The following GALNT13 variants were observed in gnomAD, a reference collection of about 807,000 sequenced individuals.
GALNT13 encodes the protein polypeptide N-acetylgalactosaminyltransferase 13, also known as UDP-GalNAc:polypeptide N-acetylgalactosaminyltransferase 13.
A neutral mutation model predicts 64.2 loss-of-function variants in GALNT13; 28 were observed. The observed-to-expected ratio is 0.44, with a 90% CI of 0.32 to 0.60. GALNT13 has a LOEUF of 0.60. Among genes scored for constraint, GALNT13 ranks in the 20% least tolerant of loss-of-function variants. The pLI is 0.05. For synonymous variants in GALNT13, 214 were observed against 224.6 expected, an observed-to-expected ratio of 0.95 and a Z score of 0.42; for missense variants, 577 against 669.8, an observed-to-expected ratio of 0.86 and a Z score of 1.53.
At chr2:153,910,258 T>G (rs1401896477) in intron 2 of GALNT13, among the ~76,000 whole-genome samples, 1 of 152,152 alleles carries the variant, frequency 6.6e-6, no homozygotes, top group African/African-American at 2.4e-5. Context: ...GATGGTTATA[T>G]ATGTGTGTTT....
the GALNT13 span, among the ~76,000 whole-genome samples, chr2:153,389,444 A>T: frequency 6.6e-6 from 1 of 152,048 alleles, no homozygotes; most frequent in African/African-American, 2.4e-5. Context: ...TCTGCCTCAC[A>T]TCACTGACTC....
the GALNT13 span, among the ~76,000 whole-genome samples, chr2:153,464,390 G>A: frequency 6.6e-6 from 1 of 151,990 alleles, no homozygotes; most frequent in African/African-American, 2.4e-5. Flanking sequence ...AGACCACATC[G>A]TCTGTTATTT....
the GALNT13 span, among the ~76,000 whole-genome samples, chr2:153,269,959 G>T: frequency 6.6e-6 from 1 of 152,096 alleles, no homozygotes; most frequent in Non-Finnish European, 1.5e-5. Flanking sequence ...TTGACACATT[G>T]GGGATTACAA....
At chr2:153,071,273 C>G in the GALNT13 span, among the ~76,000 whole-genome samples, 1 of 152,186 alleles carries the variant, frequency 6.6e-6, no homozygotes, top group Non-Finnish European at 1.5e-5. Flanking sequence ...GTAGCCTTCT[C>G]TGCACTAAAG....
chr2:153,556,382 A>C, the GALNT13 span, among the ~76,000 whole-genome samples: 2 of 152,256 alleles, frequency 1.3e-5, no homozygotes, highest in Non-Finnish European at 2.9e-5. Flanking sequence ...TTAAAATTAA[A>C]AACTGATATT....
chr2:154,318,123 A>AT (rs1178798271), intron 9 of GALNT13, among the ~76,000 whole-genome samples: 2 of 151,986 alleles, frequency 1.3e-5, no homozygotes, highest in Non-Finnish European at 1.5e-5. Context: ...GAGTTTTGAA[A>AT]TTTTTTTGGA....
At chr2:153,620,148 GATTCTC>G in the GALNT13 span, among the ~76,000 whole-genome samples, 1 of 151,998 alleles carries the variant, frequency 6.6e-6, no homozygotes, top group South Asian at 2.1e-4. Context: ...TTTTGAGACA[GATTCTC>G]ATTCTGTCAC....
At chr2:153,097,540 A>C in the GALNT13 span, among the ~76,000 whole-genome samples, 1 of 152,188 alleles carries the variant, frequency 6.6e-6, no homozygotes, top group African/African-American at 2.4e-5. Flanking sequence ...ATAACCTAAC[A>C]CATATTTCTT....
the GALNT13 span, among the ~76,000 whole-genome samples, chr2:153,835,148 A>C: frequency 2.0e-5 from 3 of 151,936 alleles, no homozygotes; most frequent in Non-Finnish European, 2.9e-5. Flanking sequence ...CTTACAGCAA[A>C]ACTTCTTATC....
the GALNT13 span, among the ~76,000 whole-genome samples, chr2:153,714,342 T>C: frequency 6.6e-6 from 1 of 152,186 alleles, no homozygotes; most frequent in Non-Finnish European, 1.5e-5. Flanking sequence ...TTATTAAATA[T>C]ATAATTAAAT....
At chr2:153,237,754 C>G in the GALNT13 span, among the ~76,000 whole-genome samples, 4 of 152,018 alleles carry the variant, frequency 2.6e-5, no homozygotes, top group East Asian at 7.7e-4. Context: ...TAGGTTGATT[C>G]CAAATCTTGG....
chr2:154,287,206 G>A, intron 8 of GALNT13: 1 of 1,429,270 alleles, frequency 7.0e-7, no homozygotes, highest in Admixed American at 1.7e-5. Flanking sequence ...CCAGATTTGT[G>A]GTGGAAAAGG....
intron 11 of GALNT13, among the ~76,000 whole-genome samples, chr2:154,424,983 T>G (rs1204605117): frequency 6.6e-6 from 1 of 152,192 alleles, no homozygotes; most frequent in African/African-American, 2.4e-5. Context: ...TTGCACCCAA[T>G]GCAAGCATTG....
At chr2:153,392,722 C>T in the GALNT13 span, among the ~76,000 whole-genome samples, 3 of 151,988 alleles carry the variant, frequency 2.0e-5, no homozygotes, top group Admixed American at 6.6e-5. Flanking sequence ...CCCATTTTCT[C>T]CCCAGTTCAG....
At chr2:153,307,384 G>A in the GALNT13 span, among the ~76,000 whole-genome samples, 15 of 151,724 alleles carry the variant, frequency 9.9e-5, no homozygotes, top group East Asian at 7.7e-4. Flanking sequence ...ATCATGTTAC[G>A]TAGGCTTTGA....
the GALNT13 span, among the ~76,000 whole-genome samples, chr2:153,687,665 C>T: frequency 6.6e-6 from 1 of 151,912 alleles, no homozygotes; most frequent in Non-Finnish European, 1.5e-5. Flanking sequence ...TTTAATAAAT[C>T]TATGATCCTG....
chr2:154,169,026 CAA>C (rs980310648), intron 4 of GALNT13, among the ~76,000 whole-genome samples: 5 of 151,854 alleles, frequency 3.3e-5, no homozygotes, highest in Non-Finnish European at 5.9e-5. Flanking sequence ...ACAGAAAAGA[CAA>C]GAGAGAGAGA....
At chr2:154,152,610 C>G (rs921991277) in intron 4 of GALNT13, among the ~76,000 whole-genome samples, 4 of 152,126 alleles carry the variant, frequency 2.6e-5, no homozygotes, top group African/African-American at 9.7e-5. Flanking sequence ...TCCCATATTT[C>G]TTGGAGGCTT....
chr2:153,432,912 A>G, the GALNT13 span, among the ~76,000 whole-genome samples: 1 of 152,162 alleles, frequency 6.6e-6, no homozygotes, highest in Non-Finnish European at 1.5e-5. Flanking sequence ...ATCCTACTTG[A>G]TTTAATGACC....
Sources: gnomAD v4.1 joint callset for allele counts (sites outside exome capture counted in the v4.1 genomes callset) on GRCh38, gnomAD v4.1.1 for gene constraint, MANE v1.5 for transcripts, NCBI Gene and HGNC (gene_info 2026-07-23, HGNC 2026-07-21) for gene names.